The following RASAL2 variants were observed in gnomAD, a reference collection of about 807,000 sequenced individuals.
The protein encoded by RASAL2 is ras GTPase-activating protein nGAP.
A neutral mutation model predicts 128.9 loss-of-function variants in RASAL2; 58 were observed. The observed-to-expected ratio is 0.45, with a 90% CI of 0.36 to 0.56. The LOEUF (loss-of-function observed/expected upper bound fraction) is 0.56. Among genes scored for constraint, RASAL2 ranks in the 20% least tolerant of loss-of-function variants. The pLI is 0.00. For missense variants in RASAL2, 1,360 were observed against 1,601.6 expected, an observed-to-expected ratio of 0.85 and a Z score of 2.57; for synonymous variants, 561 against 580.8, an observed-to-expected ratio of 0.97 and a Z score of 0.49.
intron 1 of RASAL2, among the ~76,000 whole-genome samples, chr1:178,146,259 A>G (rs1660726134): frequency 6.6e-6 from 1 of 152,228 alleles, no homozygotes; most frequent in Non-Finnish European, 1.5e-5. Context: ...ATTTTTCACA[A>G]CAGAGAGGAA....
chr1:178,443,112 T>C lies in RASAL2; in HGVS notation c.1365T>C (p.Phe455=). ...AGCAATACAAAGAATTTGCAGAATT[T>C]GTCACCAGCAACTACACCATGCTGT... is the stretch of plus-strand genomic sequence containing the variant. ...PMEQYKEFAE[F]VTSNYTMLCS... is the part of the protein sequence containing the mutation. The change falls in exon 8 of 18, where the codon TTT becomes TTC. Residue 455 remains phenylalanine, a synonymous_variant. Transcript: ENST00000367649. 6.2e-7 allele frequency: 1 copy of C among 1,613,978 alleles called. No homozygotes were observed.
intron 1 of RASAL2, among the ~76,000 whole-genome samples, chr1:178,278,934 C>T (rs2102199715): frequency 6.6e-6 from 1 of 152,288 alleles, no homozygotes; most frequent in African/African-American, 2.4e-5. Flanking sequence ...AGGGTTAACA[C>T]ATGAGAGATC....
At chr1:178,441,681 A>C (rs1572080321) in intron 7 of RASAL2, 34 bp downstream of exon 7, 1 of 1,520,698 alleles carries the variant, frequency 6.6e-7, no homozygotes. Flanking sequence ...AAAAATGTAT[A>C]ACTTTGTAAG....
At chr1:178,165,961 G>A (rs1001206469) in intron 1 of RASAL2, among the ~76,000 whole-genome samples, 7 of 152,038 alleles carry the variant, frequency 4.6e-5, no homozygotes, top group African/African-American at 1.7e-4. Flanking sequence ...TTTATAAGCT[G>A]CATTTCCCCC....
chr1:178,259,030 A>G (rs2102122522), intron 1 of RASAL2, among the ~76,000 whole-genome samples: 1 of 152,134 alleles, frequency 6.6e-6, no homozygotes, highest in South Asian at 2.1e-4. Context: ...TGAAGTATCC[A>G]GACTATGGAA....
intron 9 of RASAL2, among the ~76,000 whole-genome samples, chr1:178,447,673 T>TAAAAAAAAA (rs60358768): frequency 1.8e-5 from 1 of 56,048 alleles, no homozygotes; most frequent in African/African-American, 6.9e-5. Context: ...CTCCTTCTCT[T>TAAAAAAAAA]AAAAAAAAAA....
At chr1:178,464,686 C>A (rs532116670) in intron 15 of RASAL2, among the ~76,000 whole-genome samples, 1 of 151,534 alleles carries the variant, frequency 6.6e-6, no homozygotes, top group South Asian at 2.1e-4. Flanking sequence ...CTAGAGGACA[C>A]TCTACTATTC....
At chr1:178,293,193 G>A (rs1450002533) in intron 2 of RASAL2, among the ~76,000 whole-genome samples, 2 of 152,120 alleles carry the variant, frequency 1.3e-5, no homozygotes, top group Non-Finnish European at 2.9e-5. Context: ...AACAAATTTA[G>A]TGGTAAAAAT....
At chr1:178,348,845 G>C (rs1358822841) in intron 3 of RASAL2, among the ~76,000 whole-genome samples, 4 of 150,544 alleles carry the variant, frequency 2.7e-5, no homozygotes, top group Admixed American at 2.6e-4. Flanking sequence ...TCTCGCCCAG[G>C]CTGGAGTGCA....
chr1:178,243,314 T>A (rs191180186), intron 1 of RASAL2, among the ~76,000 whole-genome samples: 2 of 152,284 alleles, frequency 1.3e-5, no homozygotes, highest in East Asian at 3.9e-4. Context: ...ATAGGCCATC[T>A]GGTGCCTCTA....
chr1:178,392,376 T>G (rs1672968082), intron 4 of RASAL2, among the ~76,000 whole-genome samples: 1 of 152,160 alleles, frequency 6.6e-6, no homozygotes, highest in Admixed American at 6.5e-5. Context: ...TGACTGATGC[T>G]TCCAGGGATT....
chr1:178,354,652 C>T (rs1422904721), intron 3 of RASAL2, among the ~76,000 whole-genome samples: 10 of 152,186 alleles, frequency 6.6e-5, no homozygotes, highest in Admixed American at 5.2e-4. Flanking sequence ...TAAACAAAAC[C>T]TAATTGCATT....
intron 1 of RASAL2, among the ~76,000 whole-genome samples, chr1:178,211,447 A>G (rs1003908224): frequency 6.6e-6 from 1 of 152,130 alleles, no homozygotes; most frequent in African/African-American, 2.4e-5. Flanking sequence ...GTAGCTCCTC[A>G]TTATTTATAA....
intron 1 of RASAL2, among the ~76,000 whole-genome samples, chr1:178,184,489 G>T (rs1195790841): frequency 1.3e-5 from 2 of 151,194 alleles, no homozygotes; most frequent in East Asian, 1.9e-4. Context: ...TCCATTTTTA[G>T]TTTATTTTGT....
intron 1 of RASAL2, among the ~76,000 whole-genome samples, chr1:178,277,920 GT>G (rs1666600637): frequency 6.6e-6 from 1 of 152,154 alleles, no homozygotes. Context: ...AATATTAATA[GT>G]GTTACAGTCT....
intron 16 of RASAL2, among the ~76,000 whole-genome samples, chr1:178,466,513 A>G (rs1171306235): frequency 6.6e-6 from 1 of 152,238 alleles, no homozygotes; most frequent in African/African-American, 2.4e-5. Flanking sequence ...AGAGTGCTGC[A>G]GATGCCAAGG....
intron 1 of RASAL2, among the ~76,000 whole-genome samples, chr1:178,103,261 A>G (rs1216996772): frequency 6.7e-6 from 1 of 150,220 alleles, no homozygotes; most frequent in Non-Finnish European, 1.5e-5. Context: ...CATTCTTTTT[A>G]TGGCTGCATA....
Position 178,348,868 on chromosome 1 carries a change from C to T in RASAL2, c.458-41232C>T, listed in dbSNP as rs1159643604. Among the ~76,000 whole-genome samples, 4 of 150,310 alleles carry T rather than the reference C, an allele frequency of 2.7e-5. No individual in the cohort carries two copies. In the East Asian group the frequency reaches 8.0e-4, roughly 30 times the overall value. ...AGGCTGGAGTGCAGTGGCGCGATCT[C>T]GGCTCACTGCAAGCTCCGCCTCCTG... On this transcript the variant is annotated intron_variant, in intron 3 of 17. Coordinates refer to ENST00000367649, the MANE Select transcript of RASAL2 (RefSeq NM_170692.4).
intron 1 of RASAL2, among the ~76,000 whole-genome samples, chr1:178,162,721 A>G (rs1459859687): frequency 6.7e-6 from 1 of 149,296 alleles, no homozygotes; most frequent in Admixed American, 6.8e-5. Flanking sequence ...TCAAGTAGCT[A>G]GGATTACAAG....
Sources: gnomAD v4.1 joint callset for allele counts (sites outside exome capture counted in the v4.1 genomes callset) on GRCh38, gnomAD v4.1.1 for gene constraint, MANE v1.5 for transcripts, NCBI Gene and HGNC (gene_info 2026-07-23, HGNC 2026-07-21) for gene names.